Variants in MAT1A observed in about 807,000 individuals in gnomAD.
The protein encoded by MAT1A is S-adenosylmethionine synthase isoform type-1.
In MAT1A, 19 loss-of-function variants were observed where a neutral mutation model predicts 44.0. The ratio of observed to expected loss-of-function variants is 0.43; its 90% CI spans 0.30 to 0.63. The LOEUF is 0.63. Among genes scored for constraint, MAT1A ranks in the 30% least tolerant of loss-of-function variants. The pLI is 0.12. For missense variants in MAT1A, 397 were observed against 531.0 expected (o/e 0.75, Z 2.48); for synonymous variants, 205 against 205.6 (o/e 1.00, Z 0.03).
chr10:80,280,248 G>C lies in MAT1A; in HGVS notation c.474C>G (p.His158Gln), dbSNP rs1459407454. 1 of 1,614,010 alleles carries C rather than the reference G, an allele frequency of 6.2e-7. No individual in the cohort carries two copies. The change falls in exon 5 of 9, where the codon CAC (histidine) becomes CAG (glutamine). Residue 158 changes from histidine to glutamine, a missense_variant. By Grantham distance (24) the His-to-Gln change is conservative. Transcript: ENST00000372213. ...GGTCTGCCATCCGGGCGTTGAGCTT[G>C]TGAGCAAGGATGATGGTGAGGGGCA... ...ECMPLTIILAHKLNARMADLR... is the reference protein window; with the variant it reads ...ECMPLTIILAQKLNARMADLR...
chr10:80,280,444 C>T, intron 4 of MAT1A, 128 bp from the exon 5 acceptor site: 3 of 1,218,002 alleles, frequency 2.5e-6, no homozygotes, highest in Non-Finnish European at 3.5e-6. Flanking sequence ...TTTCCACTGG[C>T]ATGTGCAGGG....
At chr10:80,288,362 A>G (rs1377411395) in intron 1 of MAT1A, among the ~76,000 whole-genome samples, 2 of 152,168 alleles carry the variant, frequency 1.3e-5, no homozygotes, top group African/African-American at 4.8e-5. Flanking sequence ...CTACTGAATC[A>G]GAAACTCTGG....
chr10:80,275,254 G>T, intron 6 of MAT1A, 55 bp from the exon 7 acceptor site: 1 of 1,470,284 alleles, frequency 6.8e-7, no homozygotes, highest in Non-Finnish European at 9.4e-7. Flanking sequence ...AGATGCTGGA[G>T]GGGGCTGAAG....
In MAT1A at chr10:80,280,799, G is replaced by A. The variant is rs751414478; in HGVS notation, c.293-7C>T. The stretch of plus-strand genomic sequence containing the variant: ...CAAGTCTTGAAGTCAAAGCCTAGGC[G>A]GAAGCAAAGTGAGCCTAAGTGGGGA... On this transcript the variant is annotated splice_polypyrimidine_tract_variant and splice_region_variant and intron_variant, in intron 3 of 8. Coordinates refer to ENST00000372213, the MANE Select transcript of MAT1A (RefSeq NM_000429.3). 18 of 1,609,464 alleles carry A rather than the reference G, an allele frequency of 1.1e-5. No individual in the cohort carries two copies. Among genetic ancestry groups the A allele is most frequent in the East Asian group, 8.9e-5 (4 of 44,870 alleles).
Position 80,280,443 on chromosome 10 carries a change from G to A in MAT1A, c.406-127C>T. Reference sequence around the variant, plus strand: ...GCCTCCTCCATGGAGCTTTCCACTGGCATGTGCAGGGGAAGGACGTCATCC... The same window carrying A: ...GCCTCCTCCATGGAGCTTTCCACTGACATGTGCAGGGGAAGGACGTCATCC... On this transcript the variant is annotated intron_variant, in intron 4 of 8. Coordinates refer to ENST00000372213, the MANE Select transcript of MAT1A (RefSeq NM_000429.3). 4.1e-6 allele frequency: 5 copies of A among 1,215,166 alleles called. No individual in the cohort carries two copies. The South Asian group carries it at 5.0e-5, about 12-fold the overall frequency. The allele number at this position is 1,215,166 out of a possible 1,614,324, so 75.3% of individuals were successfully genotyped here.
At chr10:80,278,199 C>T (rs1443649022) in intron 5 of MAT1A, among the ~76,000 whole-genome samples, 1 of 152,236 alleles carries the variant, frequency 6.6e-6, no homozygotes, top group African/African-American at 2.4e-5. Flanking sequence ...ACTCTGGTAT[C>T]TGTATTGGCA....
chr10:80,280,049 G>T, intron 5 of MAT1A, 124 bp downstream of exon 5: 1 of 1,160,464 alleles, frequency 8.6e-7, no homozygotes, highest in Non-Finnish European at 1.3e-6. Context: ...TTTCAAAACT[G>T]ACCATTCTTT....
chr10:80,276,362 A>T lies in MAT1A; in HGVS notation c.768+14T>A. Reference sequence around the variant, plus strand: ...AAAGACAAACCAGGGCTTCGTTCAGAGACAAGAATGCACCTGGGGACCTCC... The same window carrying T: ...AAAGACAAACCAGGGCTTCGTTCAGTGACAAGAATGCACCTGGGGACCTCC... On this transcript the variant is annotated intron_variant, in intron 6 of 8. Transcript: ENST00000372213. The T allele has an allele frequency of 1.2e-6, 2 of 1,613,680 alleles. No homozygotes were observed. The highest frequency in any genetic ancestry group is 1.7e-6 in the Non-Finnish European group (2 of 1,179,774).
At position 80,274,885 on chromosome 10, in the gene MAT1A, AACACAATC is replaced by A. The variant is rs1198612973; in HGVS notation, c.951+124_951+131del. On this transcript the variant is annotated intron_variant, in intron 7 of 8. Coordinates refer to ENST00000372213, the MANE Select transcript of MAT1A (RefSeq NM_000429.3). ...TTTCAGAGCCCTGGCCACAGTGCCC[AACACAATC>A]ACACAATCACAACCTTTGGCAAAGC... 4.6e-6 allele frequency: 6 copies of A among 1,298,524 alleles called. No individual in the cohort carries two copies. In the African/African-American group the frequency reaches 7.3e-5, roughly 16 times the overall value. 80.4% of individuals were successfully genotyped at this position (1,298,524 alleles called of 1,614,324 possible).
In MAT1A at chr10:80,289,316, C is replaced by G; in HGVS notation, c.91+17G>C. The G allele has an allele frequency of 6.2e-7, 1 of 1,608,036 alleles. No individual in the cohort carries two copies. The highest frequency in any genetic ancestry group is 8.5e-7 in the Non-Finnish European group (1 of 1,174,490). On this transcript the variant is annotated intron_variant, in intron 1 of 8. Transcript: ENST00000372213. ...TGGAATGATCGTTTTCCAGTCAGTC[C>G]AAGACAGCCTACTTACCCGGGTGTC...
Position 80,274,443 on chromosome 10 carries a change from C to T in MAT1A, c.1085+77G>A, listed in dbSNP as rs1301243148. 4.4e-6 allele frequency: 7 copies of T among 1,598,076 alleles called. No individual in the cohort carries two copies. The East Asian group carries it at 1.3e-4, about 31-fold the overall frequency. On this transcript the variant is annotated intron_variant, in intron 8 of 8. Transcript: ENST00000372213. ...AGAGGCAGAAACATCCTCCTTTCTG[C>T]CTCCCTTTCAGGTGAGGTGAGCATC... is the stretch of plus-strand genomic sequence containing the variant.
chr10:80,276,641 C>G, intron 5 of MAT1A, 47 bp from the exon 6 acceptor site: 1 of 1,585,058 alleles, frequency 6.3e-7, no homozygotes, highest in Non-Finnish European at 8.6e-7. Flanking sequence ...TGAGGCTGAG[C>G]GAACGGCACA....
In MAT1A at chr10:80,285,531, G is replaced by A; in HGVS notation, c.150C>T (p.Pro50=). ...AVLDAHLKQD[P]NAKVACETVC... ...TCTTACCACAGGCCACCTTGGCATT[G>A]GGGTCTTGCTTGAGATGGGCATCCA... Residue 50 remains proline (P), a synonymous_variant, in exon 2 of 9, where the codon CCC becomes CCT. Transcript: ENST00000372213. 1 of 1,614,078 alleles carries A rather than the reference G, an allele frequency of 6.2e-7. No individual in the cohort carries two copies. Among genetic ancestry groups the A allele is most frequent in the Non-Finnish European group, 8.5e-7 (1 of 1,179,972 alleles).
At chr10:80,279,338 G>A (rs1441755391) in intron 5 of MAT1A, among the ~76,000 whole-genome samples, 28 of 152,104 alleles carry the variant, frequency 1.8e-4, no homozygotes, top group Admixed American at 1.8e-3. Flanking sequence ...ACGGGGGAAG[G>A]GCAGGAGGGA....
Position 80,280,699 on chromosome 10 carries a change from T to A in MAT1A, c.386A>T (p.Asp129Val). ...AGCTACCTGATCTCCTGCCCCCACA[T>A]CCTCCTCATTTCTGTCCAGATGGAC... ...QCVHLDRNEE[D>V]VGAGDQGLMF... The change falls in exon 4 of 9, where the codon GAT becomes GTT. Residue 129 changes from aspartate to valine, a missense_variant. Coordinates refer to ENST00000372213, the MANE Select transcript of MAT1A (RefSeq NM_000429.3). 6.2e-7 allele frequency: 1 copy of A among 1,614,082 alleles called. No homozygotes were observed. Among genetic ancestry groups the A allele is most frequent in the South Asian group, 1.1e-5 (1 of 91,084 alleles).
chr10:80,280,317 C>A lies in MAT1A; in HGVS notation c.406-1G>T, dbSNP rs1841547746. On this transcript the variant is annotated splice_acceptor_variant, in intron 4 of 8. Transcript: ENST00000372213. LOFTEE classifies it high-confidence loss of function. The stretch of plus-strand genomic sequence containing the variant: ...CGGTAGCATAGCCGAACATCAAACC[C>A]TGTGGCGAGAGAGCAGGCTGAGCGG... 2 of 1,614,010 alleles carry A rather than the reference C, an allele frequency of 1.2e-6. No homozygotes were observed. The highest frequency in any genetic ancestry group is 1.7e-6 in the Non-Finnish European group (2 of 1,180,002).
Position 80,276,636 on chromosome 10 carries a change from C to T in MAT1A, c.550-42G>A, listed in dbSNP as rs766682995. ...TGGGGGAGATACTGTGAGGCTGAGGCTGAGCGAACGGCACATCGTGGCCAG... is the reference window on the plus strand; with the variant it reads ...TGGGGGAGATACTGTGAGGCTGAGGTTGAGCGAACGGCACATCGTGGCCAG... On this transcript the variant is annotated intron_variant, in intron 5 of 8. Coordinates refer to ENST00000372213, the MANE Select transcript of MAT1A (RefSeq NM_000429.3). 17 of 1,592,522 alleles carry T rather than the reference C, an allele frequency of 1.1e-5. No individual in the cohort carries two copies. The East Asian group carries it at 3.8e-4, about 36-fold the overall frequency.
chr10:80,288,520 C>G (rs1178259058), intron 1 of MAT1A, among the ~76,000 whole-genome samples: 1 of 152,182 alleles, frequency 6.6e-6, no homozygotes, highest in Non-Finnish European at 1.5e-5. Context: ...CTCTCACTTC[C>G]GCACATCACA....
At chr10:80,276,250 C>G in intron 6 of MAT1A, 126 bp downstream of exon 6, 1 of 941,226 alleles carries the variant, frequency 1.1e-6, no homozygotes, top group East Asian at 2.6e-5. Context: ...ACCGACTTTA[C>G]ATTTAGTCCA....
Sources: gnomAD v4.1 joint callset for allele counts (sites outside exome capture counted in the v4.1 genomes callset) on GRCh38, gnomAD v4.1.1 for gene constraint, MANE v1.5 for transcripts, NCBI Gene and HGNC (gene_info 2026-07-23, HGNC 2026-07-21) for gene names.